CDH13: variants seen among roughly 807,000 people sequenced by gnomAD.
CDH13 encodes the protein cadherin-13.
Under a neutral mutation model 63.8 loss-of-function variants are expected in CDH13, and 24 were observed. That is an observed-to-expected ratio of 0.38 (90% confidence interval 0.27 to 0.53). The LOEUF is 0.53. CDH13 is among the 20% of genes least tolerant of loss of function. The pLI is 0.85. For synonymous variants in CDH13, 503 were observed against 355.3 expected (o/e 1.42, Z -4.67); for missense variants, 1,049 against 903.1 (o/e 1.16, Z -2.07).
At chr16:82,901,699 C>A (rs556460904) in intron 2 of CDH13, among the ~76,000 whole-genome samples, 44 of 152,094 alleles carry the variant, frequency 2.9e-4, no homozygotes, top group Non-Finnish European at 5.4e-4. Flanking sequence ...TACAGGGCTG[C>A]GGCATGTGCT....
intron 1 of CDH13, among the ~76,000 whole-genome samples, chr16:82,753,685 G>A (rs147285946): frequency 3.9e-5 from 6 of 152,324 alleles, no homozygotes; most frequent in African/African-American, 1.4e-4. Flanking sequence ...CTGACTGTGA[G>A]CACGTCACTG....
chr16:82,748,580 T>A (rs2034280562), intron 1 of CDH13, among the ~76,000 whole-genome samples: 1 of 151,204 alleles, frequency 6.6e-6, no homozygotes. Context: ...TCAGTTTGAG[T>A]GAGCAATGTG....
chr16:83,009,541 A>C (rs964129321), intron 2 of CDH13, among the ~76,000 whole-genome samples: 3 of 152,170 alleles, frequency 2.0e-5, no homozygotes, highest in African/African-American at 7.2e-5. Flanking sequence ...AGGATCAGAG[A>C]TACCCTGCAA....
intron 3 of CDH13, among the ~76,000 whole-genome samples, chr16:83,094,001 T>C (rs1355719176): frequency 6.6e-6 from 1 of 152,178 alleles, no homozygotes; most frequent in Non-Finnish European, 1.5e-5. Flanking sequence ...ATCTTTGAGG[T>C]GAGCTTTTAT....
chr16:83,270,533 G>GGAAA (rs1404937318), intron 5 of CDH13, among the ~76,000 whole-genome samples: 1 of 152,142 alleles, frequency 6.6e-6, no homozygotes, highest in East Asian at 1.9e-4. Flanking sequence ...CGGTATCCAT[G>GGAAA]GAAAAGACAT....
intron 11 of CDH13, among the ~76,000 whole-genome samples, chr16:83,756,235 G>C (rs144524943): frequency 7.9e-5 from 12 of 152,252 alleles, no homozygotes; most frequent in African/African-American, 2.6e-4. Flanking sequence ...GATACAGTAA[G>C]TATATACCTA....
intron 5 of CDH13, among the ~76,000 whole-genome samples, chr16:83,324,492 A>C (rs1002047114): frequency 6.6e-6 from 1 of 152,204 alleles, no homozygotes; most frequent in Non-Finnish European, 1.5e-5. Flanking sequence ...AATGAAAGGA[A>C]TCATGCAACA....
At chr16:83,174,606 T>C (rs2038051927) in intron 4 of CDH13, among the ~76,000 whole-genome samples, 1 of 151,888 alleles carries the variant, frequency 6.6e-6, no homozygotes, top group Non-Finnish European at 1.5e-5. Flanking sequence ...CACCTGTGGT[T>C]ACTTAAATTT....
intron 5 of CDH13, among the ~76,000 whole-genome samples, chr16:83,245,644 T>A (rs1399738782): frequency 6.6e-6 from 1 of 152,268 alleles, no homozygotes; most frequent in Non-Finnish European, 1.5e-5. Context: ...TGCAGTAGAC[T>A]TAGATTACAT....
intron 1 of CDH13, among the ~76,000 whole-genome samples, chr16:82,721,386 T>G (rs2032760293): frequency 6.6e-6 from 1 of 151,992 alleles, no homozygotes; most frequent in Non-Finnish European, 1.5e-5. Context: ...AAGTTATATT[T>G]AGGATGAGTG....
At chr16:82,651,684 C>T (rs562208635) in intron 1 of CDH13, among the ~76,000 whole-genome samples, 3 of 152,328 alleles carry the variant, frequency 2.0e-5, no homozygotes, top group South Asian at 4.1e-4. Context: ...TGGAACAAAG[C>T]CACTCAGGCA....
At chr16:82,755,649 C>T (rs193034772) in intron 1 of CDH13, among the ~76,000 whole-genome samples, 7 of 152,286 alleles carry the variant, frequency 4.6e-5, no homozygotes, top group Admixed American at 1.3e-4. Context: ...TTCAATTATT[C>T]TTTCAAGTGA....
chr16:83,272,944 G>A (rs1272093142), intron 5 of CDH13, among the ~76,000 whole-genome samples: 1 of 152,144 alleles, frequency 6.6e-6, no homozygotes, highest in Non-Finnish European at 1.5e-5. Flanking sequence ...ATTTCTAATT[G>A]TTAATATAGT....
At chr16:83,326,176 T>C (rs79817251) in intron 5 of CDH13, among the ~76,000 whole-genome samples, 1 of 152,108 alleles carries the variant, frequency 6.6e-6, no homozygotes, top group South Asian at 2.1e-4. Flanking sequence ...GAACATGAGA[T>C]TTTTTTCCTC....
chr16:83,097,023 A>G (rs12935419), intron 3 of CDH13, among the ~76,000 whole-genome samples: 56,504 of 152,026 alleles, frequency 0.37, 11,921 homozygotes, highest in Middle Eastern at 0.58. Context: ...CTGGAGAAAT[A>G]TTGATAGAGA....
intron 7 of CDH13, among the ~76,000 whole-genome samples, chr16:83,497,168 C>G (rs957227903): frequency 6.6e-6 from 1 of 152,108 alleles, no homozygotes; most frequent in African/African-American, 2.4e-5. Context: ...TGGGTATATA[C>G]CCAAAGGACT....
intron 5 of CDH13, among the ~76,000 whole-genome samples, chr16:83,272,118 A>C (rs549677831): frequency 6.6e-6 from 1 of 152,188 alleles, no homozygotes; most frequent in Non-Finnish European, 1.5e-5. Context: ...ACAAAAATTT[A>C]TGGAGTACCT....
intron 1 of CDH13, among the ~76,000 whole-genome samples, chr16:82,789,799 C>A (rs761789174): frequency 2.9e-4 from 44 of 152,120 alleles, no homozygotes; most frequent in Admixed American, 9.8e-4. Flanking sequence ...ATTTTGAGAG[C>A]CTTCATGTCT....
intron 2 of CDH13, among the ~76,000 whole-genome samples, chr16:82,880,709 A>T (rs1224515778): frequency 6.6e-6 from 1 of 152,206 alleles, no homozygotes; most frequent in Non-Finnish European, 1.5e-5. Flanking sequence ...TACCCTTTCT[A>T]TTATACATCA....
Sources: allele counts gnomAD v4.1 joint callset (sites outside exome capture counted in the v4.1 genomes callset), GRCh38; gene constraint gnomAD v4.1.1; transcripts MANE v1.5; gene names NCBI Gene and HGNC (gene_info 2026-07-23, HGNC 2026-07-21).